NECTIN3: variants seen among roughly 807,000 people sequenced by gnomAD.
The protein encoded by NECTIN3 is nectin-3.
In NECTIN3, 8 loss-of-function variants were observed where a neutral mutation model predicts 49.4. The ratio of observed to expected loss-of-function variants is 0.16; its 90% CI spans 0.10 to 0.29. The LOEUF (loss-of-function observed/expected upper bound fraction) is 0.29, where lower values mean the gene tolerates loss of function less well. Among genes scored for constraint, NECTIN3 ranks in the 10% least tolerant of loss-of-function variants. The pLI is 1.00. For missense variants in NECTIN3, 581 were observed against 654.6 expected (o/e 0.89, Z 1.23); for synonymous variants, 277 against 241.1 (o/e 1.15, Z -1.38).
chr3:111,182,252 AGTCT>A (rs1250571254), intron 7 of NECTIN3, among the ~76,000 whole-genome samples: 1 of 152,110 alleles, frequency 6.6e-6, no homozygotes. Flanking sequence ...CCCAGAGTAT[AGTCT>A]GTCTTAGTGA....
chr3:111,119,604 A>G (rs1559790661), intron 3 of NECTIN3, among the ~76,000 whole-genome samples: 1 of 152,188 alleles, frequency 6.6e-6, no homozygotes, highest in South Asian at 2.1e-4. Context: ...TGCTGGGATT[A>G]CAGGCATGAG....
intron 1 of NECTIN3, among the ~76,000 whole-genome samples, chr3:111,085,774 C>T (rs1451669367): frequency 2.0e-5 from 3 of 151,538 alleles, no homozygotes; most frequent in Non-Finnish European, 4.4e-5. Flanking sequence ...TAATGTTGGA[C>T]AGACATTTGG....
At chr3:111,105,223 A>C (rs1316796549) in intron 1 of NECTIN3, among the ~76,000 whole-genome samples, 1 of 149,794 alleles carries the variant, frequency 6.7e-6, no homozygotes, top group South Asian at 2.1e-4. Context: ...GCTCATTGCA[A>C]CCTCTGCCTC....
chr3:111,192,597 C>T (rs536709724), intron 1 of NECTIN3, among the ~76,000 whole-genome samples: 6 of 152,244 alleles, frequency 3.9e-5, no homozygotes, highest in African/African-American at 7.2e-5. Context: ...AAACCAATAA[C>T]GGGCAGAAGA....
chr3:111,105,022 C>G (rs767220222), intron 1 of NECTIN3, among the ~76,000 whole-genome samples: 1 of 152,134 alleles, frequency 6.6e-6, no homozygotes, highest in African/African-American at 2.4e-5. Context: ...TTAGATAATT[C>G]TTTAATTTCT....
chr3:111,119,733 G>T (rs2033863443), intron 3 of NECTIN3, among the ~76,000 whole-genome samples: 1 of 152,140 alleles, frequency 6.6e-6, no homozygotes, highest in African/African-American at 2.4e-5. Context: ...ATTTCAGGTA[G>T]TAAAAAAGGT....
At position 111,097,076 on chromosome 3, in the gene NECTIN3, C is replaced by T. The variant is rs536449643; in HGVS notation, c.161-14954C>T. Reference sequence around the variant, plus strand: ...ACACTCAATGCCAGCCCGTGAAAGCCGGGAGGGAGGCTGTACCCTGCAAAG... The same window carrying T: ...ACACTCAATGCCAGCCCGTGAAAGCTGGGAGGGAGGCTGTACCCTGCAAAG... On this transcript the variant is annotated intron_variant, in intron 1 of 5. Coordinates refer to ENST00000485303, the MANE Select transcript of NECTIN3 (RefSeq NM_015480.3). 5.3e-5 allele frequency among the ~76,000 whole-genome samples: 8 copies of T among 152,268 alleles called. No homozygotes were observed. In the South Asian group the frequency reaches 1.0e-3, roughly 20 times the overall value.
At chr3:111,086,332 G>A (rs1442154080) in intron 1 of NECTIN3, among the ~76,000 whole-genome samples, 2 of 151,942 alleles carry the variant, frequency 1.3e-5, no homozygotes, top group East Asian at 1.9e-4. Flanking sequence ...CAATTAATTT[G>A]TTGTGTTTTT....
chr3:111,147,414 C>T, exon 7 of NECTIN3: 2 of 1,531,334 alleles, frequency 1.3e-6, no homozygotes, highest in Non-Finnish European at 8.7e-7. Flanking sequence ...ATTGACCTTC[C>T]ACCCACACAT....
At chr3:111,097,152 C>T (rs999236611) in intron 1 of NECTIN3, among the ~76,000 whole-genome samples, 1 of 152,176 alleles carries the variant, frequency 6.6e-6, no homozygotes, top group Non-Finnish European at 1.5e-5. Flanking sequence ...GTTGTATCAG[C>T]GTGACCTGGA....
intron 1 of NECTIN3, among the ~76,000 whole-genome samples, chr3:111,087,640 G>A (rs1218040077): frequency 1.3e-5 from 2 of 151,788 alleles, no homozygotes; most frequent in Non-Finnish European, 2.9e-5. Flanking sequence ...GCAACAGAGC[G>A]AGACTCTGTC....
intron 5 of NECTIN3, chr3:111,144,796 T>A: frequency 7.6e-7 from 1 of 1,307,214 alleles, no homozygotes. Context: ...GGCTCTTGGA[T>A]AACATACTTC....
chr3:111,142,249 T>C (rs917824500), downstream of NECTIN3, among the ~76,000 whole-genome samples: 4 of 151,934 alleles, frequency 2.6e-5, no homozygotes, highest in African/African-American at 9.7e-5. Flanking sequence ...CATATGCTTA[T>C]TTAGCATAAT....
intron 7 of NECTIN3, among the ~76,000 whole-genome samples, chr3:111,151,672 G>T (rs1359669442): frequency 6.6e-6 from 1 of 151,842 alleles, no homozygotes; most frequent in Non-Finnish European, 1.5e-5. Context: ...GTTATGCAGT[G>T]TGTCAGCACT....
intron 1 of NECTIN3, chr3:111,193,255 A>T (rs2035845657): frequency 6.5e-7 from 1 of 1,535,006 alleles, no homozygotes; most frequent in Non-Finnish European, 8.7e-7. Context: ...GTTGGGGAAG[A>T]TGGCATTCAG....
At chr3:111,111,731 C>G (rs970143740) in intron 1 of NECTIN3, among the ~76,000 whole-genome samples, 2 of 152,104 alleles carry the variant, frequency 1.3e-5, no homozygotes, top group African/African-American at 4.8e-5. Flanking sequence ...CAACTTGGTC[C>G]TAATCTAGTG....
chr3:111,118,568 C>A, intron 2 of NECTIN3, 88 bp from the exon 3 acceptor site: 1 of 1,192,838 alleles, frequency 8.4e-7, no homozygotes, highest in Non-Finnish European at 1.1e-6. Flanking sequence ...TGTCCTTAAG[C>A]TTGTGAAATA....
intron 7 of NECTIN3, among the ~76,000 whole-genome samples, chr3:111,155,527 C>A (rs952595224): frequency 6.6e-6 from 1 of 152,016 alleles, no homozygotes; most frequent in African/African-American, 2.4e-5. Context: ...TTTGTAAATA[C>A]AAAAAAGTCT....
At chr3:111,140,604 CTTAG>C (rs573589134), downstream of NECTIN3, among the ~76,000 whole-genome samples, 563 of 151,908 alleles carry the variant, frequency 3.7e-3, 2 homozygotes, top group Non-Finnish European at 3.4e-3. Context: ...GTCCATGTGT[CTTAG>C]TTATTTACCT....
Sources: gnomAD v4.1 joint callset for allele counts (sites outside exome capture counted in the v4.1 genomes callset) on GRCh38, gnomAD v4.1.1 for gene constraint, MANE v1.5 for transcripts, NCBI Gene and HGNC (gene_info 2026-07-23, HGNC 2026-07-21) for gene names.